Variants in XIRP2 observed in about 807,000 individuals in gnomAD.
XIRP2 encodes the protein xin actin binding repeat containing 2.
XIRP2 carries 236 observed loss-of-function variants against 277.0 expected under a neutral mutation model. The observed-to-expected ratio is 0.85, with a 90% CI of 0.77 to 0.95. The LOEUF (loss-of-function observed/expected upper bound fraction) is 0.95. Ranked by LOEUF, XIRP2 falls within the 40% of genes least tolerant of loss-of-function variation. The pLI, the probability that XIRP2 is intolerant of heterozygous loss-of-function variation, is 0.00. For synonymous variants in XIRP2, 1,490 were observed against 1,416.5 expected (o/e 1.05, Z -1.17); for missense variants, 4,640 against 4,157.5 (o/e 1.12, Z -3.19).
intron 2 of XIRP2, among the ~76,000 whole-genome samples, chr2:167,077,896 C>T (rs879299515): frequency 2.6e-5 from 4 of 152,110 alleles, no homozygotes; most frequent in Admixed American, 2.0e-4. Flanking sequence ...TATAGTTCGA[C>T]GTTGGGTAAT....
In XIRP2 at chr2:167,254,104, G is replaced by T. The variant is rs771076995; in HGVS notation, c.10628G>T (p.Gly3543Val). Reference sequence around the variant, plus strand: ...AGTTTATCCAATGGAGTGCCTAGTGGCAGACAAGCAGAATTTTCATAAGTC... The same window carrying T: ...AGTTTATCCAATGGAGTGCCTAGTGTCAGACAAGCAGAATTTTCATAAGTC... ...KDSLSNGVPS[G>V]RQAEFS Residue 3543 changes from glycine (G) to valine (V), a missense_variant, in exon 10 of 11, where the codon GGC becomes GTC. By Grantham distance (109) the Gly-to-Val change is moderately radical. Coordinates refer to ENST00000409195, the MANE Select transcript of XIRP2 (RefSeq NM_152381.6). The T allele has an allele frequency of 1.2e-6, 2 of 1,610,672 alleles. No homozygotes were observed. The highest frequency in any genetic ancestry group is 2.2e-5 in the East Asian group (1 of 44,786).
intron 2 of XIRP2, among the ~76,000 whole-genome samples, chr2:166,952,599 C>T (rs1161994976): frequency 1.3e-5 from 2 of 151,910 alleles, no homozygotes; most frequent in Admixed American, 6.6e-5. Context: ...TATTAATAAT[C>T]CCACACGAAT....
chr2:167,151,175 G>A (rs2105331581), intron 3 of XIRP2, among the ~76,000 whole-genome samples: 1 of 152,180 alleles, frequency 6.6e-6, no homozygotes, highest in Admixed American at 6.6e-5. Flanking sequence ...TTGGGTCCCA[G>A]TTACCACAGA....
chr2:167,215,401 G>A lies in XIRP2; in HGVS notation c.724-2765G>A, dbSNP rs544546246. On this transcript the variant is annotated intron_variant, in intron 4 of 10. Coordinates refer to ENST00000409195, the MANE Select transcript of XIRP2 (RefSeq NM_152381.6). ...TGATAGTCCACATAAATGAGGAAAC[G>A]TTATTAACTTAGTAAAGCAACAACT... is the stretch of plus-strand genomic sequence containing the variant. 3.9e-5 allele frequency among the ~76,000 whole-genome samples: 6 copies of A among 152,256 alleles called. No homozygotes were observed. The East Asian group carries it at 5.8e-4, about 15-fold the overall frequency.
chr2:167,195,701 C>T (rs1458288350), intron 3 of XIRP2, among the ~76,000 whole-genome samples: 1 of 152,130 alleles, frequency 6.6e-6, no homozygotes, highest in African/African-American at 2.4e-5. Flanking sequence ...AATCACAAGC[C>T]AGTGAAATGG....
intron 3 of XIRP2, among the ~76,000 whole-genome samples, chr2:167,155,387 C>G (rs368212666): frequency 0.1 from 15,325 of 148,770 alleles, 837 homozygotes; most frequent in South Asian, 0.15. Context: ...ACATCAAAAA[C>G]CTTATCCACC....
intron 2 of XIRP2, among the ~76,000 whole-genome samples, chr2:167,059,937 G>A (rs1689137516): frequency 6.6e-6 from 1 of 152,124 alleles, no homozygotes; most frequent in African/African-American, 2.4e-5. Context: ...ATAAGCTCTG[G>A]TTTTAAGTAC....
At chr2:166,922,412 C>CT (rs1188233214) in intron 2 of XIRP2, among the ~76,000 whole-genome samples, 1 of 152,028 alleles carries the variant, frequency 6.6e-6, no homozygotes, top group Non-Finnish European at 1.5e-5. Flanking sequence ...AAATATGCAT[C>CT]TTTTTTGCAG....
intron 4 of XIRP2, among the ~76,000 whole-genome samples, chr2:167,212,570 C>T (rs1404341821): frequency 6.6e-6 from 1 of 152,180 alleles, no homozygotes; most frequent in Admixed American, 6.5e-5. Flanking sequence ...GTAATCTTCT[C>T]TTCCCTGCAA....
intron 2 of XIRP2, among the ~76,000 whole-genome samples, chr2:166,983,638 G>A (rs577074260): frequency 6.6e-6 from 1 of 152,252 alleles, no homozygotes; most frequent in South Asian, 2.1e-4. Flanking sequence ...CTTTGTGGAA[G>A]GCCAAAGTGT....
intron 2 of XIRP2, among the ~76,000 whole-genome samples, chr2:166,939,088 T>A (rs542655332): frequency 6.6e-6 from 1 of 152,338 alleles, no homozygotes; most frequent in East Asian, 1.9e-4. Flanking sequence ...TTAGCCCATT[T>A]CAATTTAAGG....
At position 167,155,214 on chromosome 2, in the gene XIRP2, G is replaced by T. The variant is rs1367594095; in HGVS notation, c.562+19152G>T. Among the ~76,000 whole-genome samples the T allele has an allele frequency of 1.1e-4, 17 of 151,418 alleles. No homozygotes were observed. In the East Asian group the frequency reaches 2.7e-3, roughly 24 times the overall value. On this transcript the variant is annotated intron_variant, in intron 3 of 10. Coordinates refer to ENST00000409195, the MANE Select transcript of XIRP2 (RefSeq NM_152381.6). ...CCTTCTGAAACTATTCCAATCAATA[G>T]AAAAAGAGGGAATCCTCCCTAACTC...
chr2:167,214,549 A>G lies in XIRP2; in HGVS notation c.724-3617A>G, dbSNP rs1278225676. The stretch of plus-strand genomic sequence containing the variant: ...ATGTAGTCTGTTTCTAAAGCGCAGG[A>G]AAGTAATGGGTATATCTGTTTTGTT... On this transcript the variant is annotated intron_variant, in intron 4 of 10. Coordinates refer to ENST00000409195, the MANE Select transcript of XIRP2 (RefSeq NM_152381.6). Among the ~76,000 whole-genome samples the G allele has an allele frequency of 2.0e-5, 3 of 151,286 alleles. No individual in the cohort carries two copies. In the East Asian group the frequency reaches 5.8e-4, roughly 29 times the overall value.
At chr2:166,976,265 G>A (rs550584464) in intron 2 of XIRP2, among the ~76,000 whole-genome samples, 1 of 152,170 alleles carries the variant, frequency 6.6e-6, no homozygotes, top group South Asian at 2.1e-4. Context: ...CCCCCTTATT[G>A]TTATGTGTGA....
intron 2 of XIRP2, among the ~76,000 whole-genome samples, chr2:167,043,236 G>C (rs1688707195): frequency 6.6e-6 from 1 of 151,990 alleles, no homozygotes; most frequent in South Asian, 2.1e-4. Flanking sequence ...AAGTTAAAAA[G>C]ATCTCAAATT....
At chr2:167,002,615 C>A (rs1198918422) in intron 2 of XIRP2, among the ~76,000 whole-genome samples, 2 of 151,904 alleles carry the variant, frequency 1.3e-5, no homozygotes, top group Non-Finnish European at 2.9e-5. Flanking sequence ...TTCTTTTGAA[C>A]TTGTATTTTG....
At chr2:167,103,761 G>A (rs776196187) in intron 2 of XIRP2, among the ~76,000 whole-genome samples, 24 of 152,040 alleles carry the variant, frequency 1.6e-4, no homozygotes, top group Admixed American at 4.6e-4. Flanking sequence ...AACGCTAGCT[G>A]GTATGTCTTT....
intron 2 of XIRP2, among the ~76,000 whole-genome samples, chr2:167,019,907 A>G (rs983486629): frequency 3.3e-5 from 5 of 152,052 alleles, no homozygotes; most frequent in Non-Finnish European, 2.9e-5. Flanking sequence ...TGCCAGTCTA[A>G]GTGCTTCTAA....
Position 166,967,704 on chromosome 2 carries a change from C to T in XIRP2, c.408+63814C>T, listed in dbSNP as rs112008737. Among the ~76,000 whole-genome samples the T allele has an allele frequency of 2.4e-3, 368 of 152,064 alleles. 5 individuals carry two copies. Among genetic ancestry groups the T allele is most frequent in the African/African-American group, 8.5e-3 (353 of 41,516 alleles). On this transcript the variant is annotated intron_variant, in intron 2 of 10. Transcript: ENST00000409195. ...AACTTACCAGGAGATTGACTATAAT[C>T]AGTAAAACATTGAATGTCAGTAGTT...
Sources: allele counts gnomAD v4.1 joint callset (sites outside exome capture counted in the v4.1 genomes callset), GRCh38; gene constraint gnomAD v4.1.1; transcripts MANE v1.5; gene names NCBI Gene and HGNC (gene_info 2026-07-23, HGNC 2026-07-21).